CTNNA2: variants seen among roughly 807,000 people sequenced by gnomAD.
CTNNA2 encodes the protein catenin alpha 2.
A neutral mutation model predicts 101.0 loss-of-function variants in CTNNA2; 42 were observed. The ratio of observed to expected loss-of-function variants is 0.42; its 90% CI spans 0.32 to 0.54. The LOEUF (loss-of-function observed/expected upper bound fraction) is 0.54, where lower values mean the gene tolerates loss of function less well. CTNNA2 is among the 20% of genes least tolerant of loss of function. CTNNA2 has a pLI of 0.14. For missense variants in CTNNA2, 871 were observed against 1,223.1 expected, an observed-to-expected ratio of 0.71 and a Z score of 4.29; for synonymous variants, 450 against 456.4, an observed-to-expected ratio of 0.99 and a Z score of 0.18.
intron 3 of CTNNA2, among the ~76,000 whole-genome samples, chr2:79,316,321 C>A (rs1383392716): frequency 6.6e-6 from 1 of 152,000 alleles, no homozygotes; most frequent in African/African-American, 2.4e-5. Context: ...TCTTCTTATG[C>A]CTGTACCACA....
chr2:79,677,503 A>G lies in CTNNA2; in HGVS notation c.102+25845A>G, dbSNP rs142138424. Among the ~76,000 whole-genome samples, 475 of 152,214 alleles carry G rather than the reference A, an allele frequency of 3.1e-3. 3 individuals are homozygous for G. In the East Asian group the frequency reaches 0.036, roughly 11 times the overall value. The stretch of plus-strand genomic sequence containing the variant: ...GTAAAATGTGGAGTCGTAATAGGAA[A>G]CACACACACACGTTAATATTTTAAA... On this transcript the variant is annotated intron_variant, in intron 2 of 18. Transcript: ENST00000402739.
intron 2 of CTNNA2, among the ~76,000 whole-genome samples, chr2:79,284,562 T>G (rs1302648735): frequency 8.6e-5 from 13 of 151,434 alleles, no homozygotes; most frequent in Admixed American, 7.9e-4. Context: ...TGGATTACAT[T>G]TATTGATTTG....
At chr2:79,477,915 G>A (rs1426372095) in intron 4 of CTNNA2, among the ~76,000 whole-genome samples, 7 of 152,192 alleles carry the variant, frequency 4.6e-5, no homozygotes, top group African/African-American at 1.4e-4. Context: ...CCCCAGCAAT[G>A]AAAAGTCTGA....
intron 7 of CTNNA2, among the ~76,000 whole-genome samples, chr2:80,057,703 A>G (rs1017322656): frequency 6.6e-6 from 1 of 152,166 alleles, no homozygotes; most frequent in African/African-American, 2.4e-5. Flanking sequence ...GTCTTTTTGC[A>G]TATCCCCATG....
intron 7 of CTNNA2, among the ~76,000 whole-genome samples, chr2:80,149,231 C>A (rs1020591070): frequency 1.3e-5 from 2 of 151,956 alleles, no homozygotes; most frequent in African/African-American, 4.8e-5. Context: ...GAGACAGGGT[C>A]TTTTACTTTG....
At chr2:79,504,044 A>C (rs557755775) in intron 4 of CTNNA2, among the ~76,000 whole-genome samples, 2 of 152,264 alleles carry the variant, frequency 1.3e-5, no homozygotes, top group Admixed American at 6.5e-5. Flanking sequence ...AGGCTACTCC[A>C]CTAAGGACTC....
chr2:79,431,087 T>A (rs1678655121), intron 4 of CTNNA2, among the ~76,000 whole-genome samples: 1 of 151,994 alleles, frequency 6.6e-6, no homozygotes, highest in South Asian at 2.1e-4. Flanking sequence ...GTGAGGAGAA[T>A]CCTATTCAGT....
At chr2:79,229,007 TAA>T (rs1390586249) in intron 2 of CTNNA2, among the ~76,000 whole-genome samples, 1 of 152,192 alleles carries the variant, frequency 6.6e-6, no homozygotes, top group Non-Finnish European at 1.5e-5. Context: ...ATTTATGGAA[TAA>T]AGAGTCCTTT....
At chr2:80,082,916 C>G (rs1343619604) in intron 7 of CTNNA2, among the ~76,000 whole-genome samples, 1 of 152,088 alleles carries the variant, frequency 6.6e-6, no homozygotes, top group Non-Finnish European at 1.5e-5. Context: ...ATTTCTTGCA[C>G]TCAAAAGGTA....
At chr2:80,335,587 G>A (rs1029907606) in intron 7 of CTNNA2, among the ~76,000 whole-genome samples, 3 of 152,136 alleles carry the variant, frequency 2.0e-5, no homozygotes, top group African/African-American at 7.2e-5. Context: ...ATTGGTCTGG[G>A]AGAGGTTATT....
intron 15 of CTNNA2, among the ~76,000 whole-genome samples, chr2:80,591,455 C>CTTTTTTTTTTTTTT (rs1553401282): frequency 1.7e-5 from 1 of 57,578 alleles, no homozygotes; most frequent in Non-Finnish European, 4.0e-5. Flanking sequence ...TCTGCACAGC[C>CTTTTTTTTTTTTTT]TGTTTTTTTT....
At chr2:80,186,140 C>T (rs904326129) in intron 7 of CTNNA2, among the ~76,000 whole-genome samples, 1 of 152,106 alleles carries the variant, frequency 6.6e-6, no homozygotes, top group Non-Finnish European at 1.5e-5. Context: ...TGGAAAGCCA[C>T]CAGTATCCAT....
At chr2:79,847,760 A>C (rs1327128395) in intron 3 of CTNNA2, among the ~76,000 whole-genome samples, 1 of 152,114 alleles carries the variant, frequency 6.6e-6, no homozygotes, top group East Asian at 1.9e-4. Context: ...CTTAAGGAGC[A>C]TGAGGAAATC....
intron 3 of CTNNA2, among the ~76,000 whole-genome samples, chr2:79,777,478 G>A (rs1228475732): frequency 6.6e-6 from 1 of 151,968 alleles, no homozygotes; most frequent in Non-Finnish European, 1.5e-5. Flanking sequence ...AAGAGTAGCC[G>A]AGAGACTTAC....
At chr2:80,154,082 T>C (rs1420935098) in intron 7 of CTNNA2, among the ~76,000 whole-genome samples, 2 of 152,202 alleles carry the variant, frequency 1.3e-5, no homozygotes, top group African/African-American at 2.4e-5. Context: ...TTGTAGCTGA[T>C]ACAACATTAG....
At chr2:79,347,814 G>A (rs1403360475) in intron 3 of CTNNA2, among the ~76,000 whole-genome samples, 1 of 125,852 alleles carries the variant, frequency 7.9e-6, no homozygotes, top group Non-Finnish European at 1.6e-5. Flanking sequence ...TTTTGGTAGT[G>A]TTGAAGAAAA....
intron 9 of CTNNA2, among the ~76,000 whole-genome samples, chr2:80,538,726 A>G (rs1691266714): frequency 6.6e-6 from 1 of 152,166 alleles, no homozygotes; most frequent in African/African-American, 2.4e-5. Flanking sequence ...TTGTTTCCAC[A>G]TGAAATTTAA....
At chr2:79,259,515 C>T (rs971020119) in intron 2 of CTNNA2, among the ~76,000 whole-genome samples, 2 of 152,114 alleles carry the variant, frequency 1.3e-5, no homozygotes, top group South Asian at 2.1e-4. Flanking sequence ...TGAATAACCA[C>T]GAAACCCACT....
intron 2 of CTNNA2, among the ~76,000 whole-genome samples, chr2:79,276,411 T>G (rs1014742630): frequency 1.3e-5 from 2 of 152,048 alleles, no homozygotes; most frequent in African/African-American, 4.8e-5. Context: ...TCAATGCAAT[T>G]TCCTTGGGCA....
Sources: allele counts gnomAD v4.1 joint callset (sites outside exome capture counted in the v4.1 genomes callset), GRCh38; gene constraint gnomAD v4.1.1; transcripts MANE v1.5; gene names NCBI Gene and HGNC (gene_info 2026-07-23, HGNC 2026-07-21).